Variants in ITGA3 observed in about 807,000 individuals in gnomAD.
ITGA3 encodes integrin subunit alpha 3.
In ITGA3, 70 loss-of-function variants were observed where a neutral mutation model predicts 131.1. That is an observed-to-expected ratio of 0.53 (90% CI 0.44 to 0.65). ITGA3 has a LOEUF of 0.65. Ranked by LOEUF, ITGA3 falls within the 30% of genes least tolerant of loss-of-function variation. The probability of loss-of-function intolerance (pLI) is 0.00; values close to 1 mark genes in which losing one functional copy is unlikely to be tolerated. For missense variants in ITGA3, 1,098 were observed against 1,388.6 expected (o/e 0.79, Z 3.33); for synonymous variants, 537 against 571.6 (o/e 0.94, Z 0.86).
In ITGA3 at chr17:50,064,185, G is replaced by A. The variant is rs1329800321; in HGVS notation, c.315G>A (p.Arg105=). 1.2e-6 allele frequency: 2 copies of A among 1,609,140 alleles called. No homozygotes were observed. Among genetic ancestry groups the A allele is most frequent in the Non-Finnish European group, 1.7e-6 (2 of 1,178,102 alleles). The change falls in exon 2 of 26, where the codon CGG becomes CGA. Residue 105 remains arginine (R), a synonymous_variant. Coordinates refer to ENST00000320031, the MANE Select transcript of ITGA3 (RefSeq NM_002204.4). The surrounding 1 kb of genome is among the most constrained non-coding windows in gnomAD (Gnocchi z 4.4). ...CTGCCCACAAGGATGACTGTGAGCGGATGAACATCACAGTGAAAAGTGAGG... is the reference window on the plus strand; with the variant it reads ...CTGCCCACAAGGATGACTGTGAGCGAATGAACATCACAGTGAAAAGTGAGG... ...PLTAHKDDCE[R]MNITVKNDPG... is the part of the protein sequence containing the mutation.
Position 50,079,705 on chromosome 17 carries a change from C to G in ITGA3, c.2706+148C>G, listed in dbSNP as rs1445242241. 9.1e-6 allele frequency: 8 copies of G among 876,290 alleles called. No individual in the cohort carries two copies. In the African/African-American group the frequency reaches 1.4e-4, roughly 15 times the overall value. The allele number at this position is 876,290 out of a possible 1,614,324, so 54.3% of individuals were successfully genotyped here. Reference sequence around the variant, plus strand: ...GGAGCCTCCAGACAGAGCAGGGAGCCTCATCTCCTGCCCTCAGAGGGTTCT... The same window carrying G: ...GGAGCCTCCAGACAGAGCAGGGAGCGTCATCTCCTGCCCTCAGAGGGTTCT... On this transcript the variant is annotated intron_variant, in intron 21 of 25. Transcript: ENST00000320031.
In ITGA3 at chr17:50,081,479, G is replaced by C. The variant is rs3785925; in HGVS notation, c.2919+71G>C. The C allele has an allele frequency of 0.16, 174,013 of 1,097,604 alleles. 18,098 individuals carry two copies. Among genetic ancestry groups the C allele is most frequent in the African/African-American group, 0.34 (21,470 of 64,040 alleles). 68.0% of individuals were successfully genotyped at this position (1,097,604 alleles called of 1,614,324 possible). A position where few individuals can be genotyped will look rare whatever the true frequency, so the allele number is the denominator to read the frequency against. On this transcript the variant is annotated intron_variant, in intron 23 of 25. Transcript: ENST00000320031. ...GAGAGTACAGGGCATCTTTTAAGAG[G>C]ACACTGACGCACTTCAGCCATATGG...
Position 50,089,234 on chromosome 17 carries a change from C to CCA in ITGA3, c.*157_*158dup. 2 of 1,613,688 alleles carry CCA rather than the reference C, an allele frequency of 1.2e-6. No homozygotes were observed. The highest frequency in any genetic ancestry group is 1.7e-6 in the Non-Finnish European group (2 of 1,179,920). ...CTGCCCACCAAGAAGCACTGGGTGA[C>CCA]CAGCTGGCAGACTCGGGACCAATAC... On this transcript the variant is annotated 3_prime_UTR_variant, in exon 26 of 26. Coordinates refer to ENST00000320031, the MANE Select transcript of ITGA3 (RefSeq NM_002204.4).
At chr17:50,082,455 G>T (rs1233753913) in intron 23 of ITGA3, among the ~76,000 whole-genome samples, 1 of 152,132 alleles carries the variant, frequency 6.6e-6, no homozygotes, top group East Asian at 1.9e-4. Context: ...GGGATTACAG[G>T]CATGAGCCAC....
At chr17:50,078,341 C>T in intron 18 of ITGA3, 57 bp downstream of exon 18, 1 of 1,451,494 alleles carries the variant, frequency 6.9e-7, no homozygotes, top group Non-Finnish European at 9.6e-7. Flanking sequence ...GCTAGGGTTC[C>T]CTATCCCCAA....
chr17:50,064,410 T>TGGGAGGGCTGCCCTGTGGG lies in ITGA3; in HGVS notation c.335-117_335-99dup, dbSNP rs1908233137. 2 of 1,153,856 alleles carry TGGGAGGGCTGCCCTGTGGG rather than the reference T, an allele frequency of 1.7e-6. No individual in the cohort carries two copies. Among genetic ancestry groups the TGGGAGGGCTGCCCTGTGGG allele is most frequent in the East Asian group, 5.0e-5 (2 of 39,656 alleles). The allele number at this position is 1,153,856 out of a possible 1,614,324, so 71.5% of individuals were successfully genotyped here. On this transcript the variant is annotated intron_variant, in intron 2 of 25. Coordinates refer to ENST00000320031, the MANE Select transcript of ITGA3 (RefSeq NM_002204.4). The surrounding 1 kb of genome is among the most constrained non-coding windows in gnomAD (Gnocchi z 4.4). The stretch of plus-strand genomic sequence containing the variant: ...TAATGACGAGCTGGAGAAGGGGAGT[T>TGGGAGGGCTGCCCTGTGGG]GGGAGGGCTGCCCTGTGGGTGGAGG...
At position 50,068,753 on chromosome 17, in the gene ITGA3, C is replaced by T. The variant is rs537597850; in HGVS notation, c.664+448C>T. ...CTGGGCTTAAGCAATCCACCCTCCT[C>T]GGCCTCCCAAAGTGCTGGGATTATG... is the stretch of plus-strand genomic sequence containing the variant. On this transcript the variant is annotated intron_variant, in intron 4 of 25. Transcript: ENST00000320031. Among the ~76,000 whole-genome samples the T allele has an allele frequency of 8.5e-4, 130 of 152,224 alleles. 4 individuals are homozygous for T. The South Asian group carries it at 0.026, about 31-fold the overall frequency.
At chr17:50,072,772 T>C (rs1345952561) in intron 7 of ITGA3, among the ~76,000 whole-genome samples, 5 of 152,062 alleles carry the variant, frequency 3.3e-5, no homozygotes, top group Admixed American at 3.3e-4. Flanking sequence ...GAATGTAATA[T>C]CTCAGGTGGG....
chr17:50,067,608 A>G (rs1908400489), intron 3 of ITGA3, among the ~76,000 whole-genome samples: 1 of 152,230 alleles, frequency 6.6e-6, no homozygotes, highest in Non-Finnish European at 1.5e-5. Context: ...TGCCTGGCAT[A>G]TAGGAAGCAC....
intron 1 of ITGA3, among the ~76,000 whole-genome samples, chr17:50,057,779 G>T (rs1025221926): frequency 6.6e-6 from 1 of 152,124 alleles, no homozygotes; most frequent in Non-Finnish European, 1.5e-5. Flanking sequence ...CCCTGCTCTG[G>T]CTGGGGCCTG....
chr17:50,086,614 G>C (rs1329031944), intron 23 of ITGA3: 2 of 150,426 alleles, frequency 1.3e-5, no homozygotes, highest in Non-Finnish European at 3.0e-5. Context: ...GCTTGAACCT[G>C]GGAGGCAGTG....
chr17:50,079,881 G>A (rs1005462821), intron 21 of ITGA3, among the ~76,000 whole-genome samples: 5 of 152,220 alleles, frequency 3.3e-5, no homozygotes, highest in South Asian at 2.1e-4. Context: ...TGGGTGGTGC[G>A]TGTGCCCTCT....
chr17:50,069,884 T>G (rs894244460), intron 4 of ITGA3, among the ~76,000 whole-genome samples: 2 of 152,160 alleles, frequency 1.3e-5, no homozygotes, highest in Non-Finnish European at 2.9e-5. Flanking sequence ...TCACACAGGT[T>G]GTAGCAATAG....
Position 50,064,773 on chromosome 17 carries a change from C to G in ITGA3, c.414+166C>G, listed in dbSNP as rs1396494979. On this transcript the variant is annotated intron_variant, in intron 3 of 25. Transcript: ENST00000320031. This position sits in a 1 kb window ranked among gnomAD's most constrained non-coding sequence, Gnocchi z 4.4. Reference sequence around the variant, plus strand: ...TGTGTGTCCCTCGCTCTCTGCACTCCTGGGGAGGGGGTGAGTATCCTGTGC... The same window carrying G: ...TGTGTGTCCCTCGCTCTCTGCACTCGTGGGGAGGGGGTGAGTATCCTGTGC... 1.0e-5 allele frequency: 6 copies of G among 588,974 alleles called. No individual in the cohort carries two copies. Among genetic ancestry groups the G allele is most frequent in the Non-Finnish European group, 1.8e-5 (6 of 335,520 alleles). 36.5% of individuals were successfully genotyped at this position (588,974 alleles called of 1,614,324 possible).
Position 50,056,378 on chromosome 17 carries a change from T to G in ITGA3, c.-62T>G. The G allele has an allele frequency of 8.1e-7, 1 of 1,230,934 alleles. No homozygotes were observed. Among genetic ancestry groups the G allele is most frequent in the Non-Finnish European group, 1.1e-6 (1 of 929,458 alleles). The allele number at this position is 1,230,934 out of a possible 1,614,324, so 76.3% of individuals were successfully genotyped here. A position where few individuals can be genotyped will look rare whatever the true frequency, so the allele number is the denominator to read the frequency against. On this transcript the variant is annotated 5_prime_UTR_variant, in exon 1 of 26. Transcript: ENST00000320031. The surrounding 1 kb of genome is among the most constrained non-coding windows in gnomAD (Gnocchi z 5.6). ...GCGGCGCGGGGAGCAGGTGAACAGG[T>G]CCTCACGCCCAGCTCCGCGCCCTCA...
At chr17:50,081,048 C>T (rs2144308991) in intron 22 of ITGA3, 1 of 440,238 alleles carries the variant, frequency 2.3e-6, no homozygotes, top group East Asian at 4.0e-5. Context: ...CAGATTTAGC[C>T]CACAGGCCTG....
rs562968991 is a variant in ITGA3 at position 50,072,826 on chromosome 17, G to C, written c.1156+644G>C. 2.6e-5 allele frequency among the ~76,000 whole-genome samples: 4 copies of C among 152,178 alleles called. No individual in the cohort carries two copies. The South Asian group carries it at 6.2e-4, about 24-fold the overall frequency. On this transcript the variant is annotated intron_variant, in intron 7 of 25. Coordinates refer to ENST00000320031, the MANE Select transcript of ITGA3 (RefSeq NM_002204.4). ...CAAGGTGGGAGCCCTGGATATAGGG[G>C]TCCTCATAAGTGTTCTGCAGGACTT...
At chr17:50,084,864 A>G (rs560637100) in intron 23 of ITGA3, among the ~76,000 whole-genome samples, 1 of 152,262 alleles carries the variant, frequency 6.6e-6, no homozygotes, top group African/African-American at 2.4e-5. Context: ...CCAGTGATTC[A>G]TGTTTGTGTT....
intron 21 of ITGA3, 147 bp from the exon 22 acceptor site, chr17:50,080,115 G>A: frequency 3.6e-6 from 2 of 562,768 alleles, no homozygotes; most frequent in East Asian, 3.1e-5. Context: ...GAGGTTGGGG[G>A]ACGTGTGCAT....
Sources: allele counts gnomAD v4.1 joint callset (sites outside exome capture counted in the v4.1 genomes callset), GRCh38; gene constraint gnomAD v4.1.1; non-coding constraint Gnocchi (gnomAD v3.1); transcripts MANE v1.5; gene names NCBI Gene and HGNC (gene_info 2026-07-23, HGNC 2026-07-21).